The following DENND2B variants were observed in gnomAD, a reference collection of about 807,000 sequenced individuals.
DENND2B encodes DENN domain-containing protein 2B.
DENND2B carries 32 observed loss-of-function variants against 116.0 expected under a neutral mutation model. The observed-to-expected ratio is 0.28, with a 90% CI of 0.21 to 0.37. The LOEUF (loss-of-function observed/expected upper bound fraction) is 0.37. Among genes scored for constraint, DENND2B ranks in the 10% least tolerant of loss-of-function variants. DENND2B has a pLI of 1.00. For missense variants in DENND2B, 1,276 were observed against 1,477.7 expected (o/e 0.86, Z 2.24); for synonymous variants, 588 against 583.9 (o/e 1.01, Z -0.10).
Position 8,718,219 on chromosome 11 carries a change from C to G in DENND2B, c.1478-327G>C, listed in dbSNP as rs1252446474. 12 of 870,658 alleles carry G rather than the reference C, an allele frequency of 1.4e-5. No homozygotes were observed. The African/African-American group carries it at 1.8e-4, about 13-fold the overall frequency. 53.9% of individuals were successfully genotyped at this position (870,658 alleles called of 1,614,324 possible). On this transcript the variant is annotated intron_variant, in intron 4 of 19. Coordinates refer to ENST00000313726, the MANE Select transcript of DENND2B (RefSeq NM_213618.2). ...GCCTGTGCCCAGCCAGAGGACAAAGCCAGCAACAAGAGTCTTTCCTTGGCT... is the reference window on the plus strand; with the variant it reads ...GCCTGTGCCCAGCCAGAGGACAAAGGCAGCAACAAGAGTCTTTCCTTGGCT...
At chr11:8,775,346 C>T (rs1565920659) in intron 1 of DENND2B, among the ~76,000 whole-genome samples, 1 of 152,164 alleles carries the variant, frequency 6.6e-6, no homozygotes, top group Non-Finnish European at 1.5e-5. Flanking sequence ...TCCAATCTCA[C>T]CCTGAAAATT....
At chr11:8,880,370 T>TGTGTGTGC (rs2063890809) in intron 2 of DENND2B, among the ~76,000 whole-genome samples, 1 of 151,890 alleles carries the variant, frequency 6.6e-6, no homozygotes, top group East Asian at 1.9e-4. Flanking sequence ...TGTGTGTGTG[T>TGTGTGTGC]GTGTGTGTGT....
At chr11:8,853,603 A>G (rs2063088116) in intron 3 of DENND2B, among the ~76,000 whole-genome samples, 1 of 152,210 alleles carries the variant, frequency 6.6e-6, no homozygotes, top group African/African-American at 2.4e-5. Context: ...GGAAATCTGA[A>G]TATGGTCTGA....
Position 8,807,107 on chromosome 11 carries a change from C to T in DENND2B, c.-26+3410G>A, listed in dbSNP as rs902656280. Among the ~76,000 whole-genome samples, 3 of 152,332 alleles carry T rather than the reference C, an allele frequency of 2.0e-5. No individual in the cohort carries two copies. In the East Asian group the frequency reaches 5.8e-4, roughly 29 times the overall value. On this transcript the variant is annotated intron_variant, in intron 1 of 19. Coordinates refer to ENST00000313726, the MANE Select transcript of DENND2B (RefSeq NM_213618.2). ...AAGGCCAAGCCAGGGCTCGGAAGGG[C>T]TGCTGCCAGGCCTCCTCCAGCCTCA...
intron 1 of DENND2B, among the ~76,000 whole-genome samples, chr11:8,782,184 C>T (rs374487945): frequency 6.6e-6 from 1 of 152,196 alleles, no homozygotes; most frequent in East Asian, 1.9e-4. Flanking sequence ...ACCAATTAAA[C>T]CAAATGATTT....
intron 1 of DENND2B, among the ~76,000 whole-genome samples, chr11:8,798,845 T>TA (rs34438071): frequency 2.6e-5 from 4 of 151,148 alleles, no homozygotes; most frequent in African/African-American, 7.3e-5. Context: ...TTTTTTTTTT[T>TA]AGACGGAGTT....
chr11:8,711,066 C>CTATG, intron 10 of DENND2B, 56 bp downstream of exon 10: 1 of 1,585,418 alleles, frequency 6.3e-7, no homozygotes, highest in Non-Finnish European at 8.7e-7. Context: ...GGTGCCCACG[C>CTATG]TATGGGGGTA....
At chr11:8,881,713 G>C (rs1242096693) in intron 1 of DENND2B, among the ~76,000 whole-genome samples, 1 of 152,028 alleles carries the variant, frequency 6.6e-6, no homozygotes, top group Non-Finnish European at 1.5e-5. Context: ...GCTACTTTTT[G>C]TATTTTTAGT....
chr11:8,883,071 C>T (rs1306440067), intron 1 of DENND2B, among the ~76,000 whole-genome samples: 1 of 152,172 alleles, frequency 6.6e-6, no homozygotes, highest in Non-Finnish European at 1.5e-5. Context: ...TAGTAACTTG[C>T]ACAGAGTTAC....
intron 6 of DENND2B, 106 bp from the exon 7 acceptor site, chr11:8,714,812 T>C (rs2044415391): frequency 4.2e-6 from 4 of 946,600 alleles, no homozygotes; most frequent in Non-Finnish European, 6.5e-6. Flanking sequence ...ACAAGCTTTC[T>C]GCATTGCACC....
chr11:8,771,003 G>T (rs1057496718), intron 1 of DENND2B, among the ~76,000 whole-genome samples: 2 of 152,194 alleles, frequency 1.3e-5, no homozygotes, highest in Non-Finnish European at 2.9e-5. Context: ...TGCCCTGCCT[G>T]CAGTACATGA....
At chr11:8,808,325 T>A (rs2061059825) in intron 1 of DENND2B, 1 of 152,198 alleles carries the variant, frequency 6.6e-6, no homozygotes, top group South Asian at 2.1e-4. Context: ...AAGTTTATGG[T>A]GCCACAACTC....
At chr11:8,834,975 G>T (rs2062362574) in intron 4 of DENND2B, among the ~76,000 whole-genome samples, 1 of 152,220 alleles carries the variant, frequency 6.6e-6, no homozygotes, top group Admixed American at 6.5e-5. Flanking sequence ...GCCAGGCACG[G>T]TGGCTCACAC....
chr11:8,818,700 G>C (rs1301900702), intron 4 of DENND2B, among the ~76,000 whole-genome samples: 1 of 152,176 alleles, frequency 6.6e-6, no homozygotes, highest in Non-Finnish European at 1.5e-5. Context: ...CCTGCTAGCT[G>C]TAATATTCTT....
At chr11:8,758,062 C>T (rs1208568896) in intron 1 of DENND2B, among the ~76,000 whole-genome samples, 1 of 152,252 alleles carries the variant, frequency 6.6e-6, no homozygotes, top group South Asian at 2.1e-4. Context: ...ATGCAGAGTC[C>T]CAGGCCCCAC....
chr11:8,823,809 G>T (rs962555667), intron 4 of DENND2B, among the ~76,000 whole-genome samples: 23 of 151,998 alleles, frequency 1.5e-4, no homozygotes, highest in African/African-American at 5.6e-4. Flanking sequence ...CACAATCCTT[G>T]CATCCCAGGG....
chr11:8,831,981 AG>A (rs1209777110), intron 4 of DENND2B: 1 of 152,100 alleles, frequency 6.6e-6, no homozygotes, highest in African/African-American at 2.4e-5. Context: ...CAAGACCAAG[AG>A]GCAGATTCTC....
intron 4 of DENND2B, among the ~76,000 whole-genome samples, chr11:8,824,358 C>T (rs1350206525): frequency 6.6e-6 from 1 of 152,166 alleles, no homozygotes; most frequent in Non-Finnish European, 1.5e-5. Flanking sequence ...TCCCACCCTT[C>T]ACCCTCAAGT....
intron 13 of DENND2B, among the ~76,000 whole-genome samples, chr11:8,704,791 G>A (rs571670054): frequency 1.9e-3 from 286 of 152,208 alleles, no homozygotes; most frequent in Non-Finnish European, 2.7e-3. Context: ...TTCACCTCCC[G>A]AGTTCAAGAG....
Sources: gnomAD v4.1 joint callset for allele counts (sites outside exome capture counted in the v4.1 genomes callset) on GRCh38, gnomAD v4.1.1 for gene constraint, MANE v1.5 for transcripts, NCBI Gene and HGNC (gene_info 2026-07-23, HGNC 2026-07-21) for gene names.